The following FAS variants were observed in gnomAD, a reference collection of about 807,000 sequenced individuals.
FAS encodes tumor necrosis factor receptor superfamily member 6.
Under a neutral mutation model 33.2 loss-of-function variants are expected in FAS, and 5 were observed. The ratio of observed to expected loss-of-function variants is 0.15; its 90% CI spans 0.08 to 0.32. The LOEUF is 0.32. FAS is among the 10% of genes least tolerant of loss of function. The probability of loss-of-function intolerance (pLI) is 1.00; values close to 1 mark genes in which losing one functional copy is unlikely to be tolerated. For missense variants in FAS, 339 were observed against 386.0 expected (o/e 0.88, Z 1.02); for synonymous variants, 131 against 130.7 (o/e 1.00, Z -0.01).
upstream of FAS, among the ~76,000 whole-genome samples, chr10:88,983,575 G>C (rs866677693): frequency 3.5e-5 from 4 of 115,210 alleles, no homozygotes; most frequent in African/African-American, 1.3e-4. Flanking sequence ...ACTTTACAGG[G>C]AGTTGTAAGG....
chr10:88,981,628 T>C (rs980183456), intron 2 of FAS, among the ~76,000 whole-genome samples: 7 of 151,748 alleles, frequency 4.6e-5, no homozygotes, highest in African/African-American at 1.7e-4. Context: ...CCACAAGCAG[T>C]GGGGTGGGCA....
At chr10:88,986,101 A>G (rs1846873304), upstream of FAS, among the ~76,000 whole-genome samples, 3 of 152,198 alleles carry the variant, frequency 2.0e-5, no homozygotes, top group Admixed American at 2.0e-4. Context: ...TTAAATATAT[A>G]TTTAGTATAT....
chr10:88,999,263 C>T (rs9658712), intron 1 of FAS, among the ~76,000 whole-genome samples: 189 of 152,224 alleles, frequency 1.2e-3, no homozygotes, highest in Non-Finnish European at 2.1e-3. Flanking sequence ...TTGCTGCATT[C>T]TGAGAGGAAT....
chr10:89,014,647 A>G lies in FAS; in HGVS notation c.*197A>G, dbSNP rs1358427276. 8.4e-6 allele frequency: 6 copies of G among 713,550 alleles called. No individual in the cohort carries two copies. Among genetic ancestry groups the G allele is most frequent in the Non-Finnish European group, 1.2e-5 (5 of 400,328 alleles). 44.2% of individuals were successfully genotyped at this position (713,550 alleles called of 1,614,324 possible). On this transcript the variant is annotated 3_prime_UTR_variant, in exon 9 of 9. Transcript: ENST00000652046. ...GGATGTTTAAAATCTAGTTGGGAAA[A>G]CAAACTTCATCAAGAGTAAATGCAG...
intron 1 of FAS, among the ~76,000 whole-genome samples, chr10:88,968,862 C>G (rs190330272): frequency 7.7e-4 from 117 of 152,260 alleles, no homozygotes; most frequent in Admixed American, 1.5e-3. Context: ...TTAAAGCCTT[C>G]TTCTTGGAAA....
upstream of FAS, among the ~76,000 whole-genome samples, chr10:88,986,739 T>C (rs76390772): frequency 6.6e-6 from 1 of 151,438 alleles, no homozygotes; most frequent in Non-Finnish European, 1.5e-5. Flanking sequence ...AGGAAGGAAG[T>C]AGTGCAGGAA....
chr10:89,015,619 AAAT>A lies in FAS; in HGVS notation c.*1174_*1176del, dbSNP rs1186205984. 4.0e-6 allele frequency: 2 copies of A among 501,374 alleles called. No individual in the cohort carries two copies. The highest frequency in any genetic ancestry group is 1.7e-5 in the South Asian group (1 of 57,360). The allele number at this position is 501,374 out of a possible 1,614,324, so 31.1% of individuals were successfully genotyped here. A position where few individuals can be genotyped will look rare whatever the true frequency, so the allele number is the denominator to read the frequency against. ...GTTTGTATTAAATGTGAATTTTAAG[AAAT>A]AATATTTATATTTCTGTAAATGTAA... On this transcript the variant is annotated 3_prime_UTR_variant, in exon 9 of 9. Coordinates refer to ENST00000652046, the MANE Select transcript of FAS (RefSeq NM_000043.6).
Position 89,014,730 on chromosome 10 carries a change from C to G in FAS, c.*280C>G, listed in dbSNP as rs1848711323. ...CAGAGGATGAAAGATTAAGATTATG[C>G]TCTGGCATCTAACATATGATTCTGT... is the stretch of plus-strand genomic sequence containing the variant. On this transcript the variant is annotated 3_prime_UTR_variant, in exon 9 of 9. Transcript: ENST00000652046. 1.7e-6 allele frequency: 1 copy of G among 605,410 alleles called. No homozygotes were observed. Among genetic ancestry groups the G allele is most frequent in the South Asian group, 1.5e-5 (1 of 65,842 alleles). 37.5% of individuals were successfully genotyped at this position (605,410 alleles called of 1,614,324 possible). A position where few individuals can be genotyped will look rare whatever the true frequency, so the allele number is the denominator to read the frequency against.
intron 2 of FAS, among the ~76,000 whole-genome samples, chr10:88,978,848 A>G (rs542254637): frequency 2.6e-5 from 4 of 152,224 alleles, no homozygotes; most frequent in African/African-American, 7.2e-5. Context: ...TATTAGAAGC[A>G]ACCTTCCTTA....
At chr10:88,983,609 C>CAAAAAA (rs71022549), upstream of FAS, among the ~76,000 whole-genome samples, 4 of 46,456 alleles carry the variant, frequency 8.6e-5, no homozygotes, top group Non-Finnish European at 1.1e-4. Flanking sequence ...ACAGGTTATG[C>CAAAAAA]AAAAAAAAAA....
intron 8 of FAS, 122 bp from the exon 9 acceptor site, chr10:89,013,997 T>C: frequency 9.9e-7 from 1 of 1,014,560 alleles, no homozygotes; most frequent in Non-Finnish European, 1.4e-6. Context: ...TAGTCAGCTC[T>C]TCATAGACCT....
chr10:88,976,938 G>A (rs936609858), intron 2 of FAS, among the ~76,000 whole-genome samples: 10 of 152,252 alleles, frequency 6.6e-5, no homozygotes, highest in African/African-American at 2.4e-4. Context: ...CCTTATATCT[G>A]GTGAAGGTAA....
intron 2 of FAS, among the ~76,000 whole-genome samples, chr10:88,980,219 T>C (rs1188657112): frequency 6.6e-6 from 1 of 151,944 alleles, no homozygotes; most frequent in Non-Finnish European, 1.5e-5. Context: ...TTAAACATAA[T>C]GCACTTTAAA....
intron 1 of FAS, chr10:88,973,065 A>G: frequency 1.7e-6 from 2 of 1,165,420 alleles, no homozygotes; most frequent in Non-Finnish European, 2.3e-6. Context: ...TAACCTTGTA[A>G]GTACTTAGTC....
chr10:88,972,304 T>A (rs1846465142), intron 1 of FAS, among the ~76,000 whole-genome samples: 2 of 152,212 alleles, frequency 1.3e-5, no homozygotes, highest in Admixed American at 1.3e-4. Context: ...GCTATTGTCT[T>A]GTCTTCAGGC....
rs2133503373 is a variant in FAS at position 89,007,776 on chromosome 10, C to T, written c.273C>T (p.Tyr91=). 6.2e-7 allele frequency: 1 copy of T among 1,614,018 alleles called. No individual in the cohort carries two copies. Among genetic ancestry groups the T allele is most frequent in the Non-Finnish European group, 8.5e-7 (1 of 1,179,962 alleles). ...DCVPCQEGKE[Y]TDKAHFSSKC... ...TGCCCTGCCAAGAAGGGAAGGAGTA[C>T]ACAGACAAAGCCCATTTTTCTTCCA... The change falls in exon 3 of 9, where the codon TAC becomes TAT. Residue 91 remains tyrosine (Y), a synonymous_variant. Coordinates refer to ENST00000652046, the MANE Select transcript of FAS (RefSeq NM_000043.6).
intron 8 of FAS, 41 bp from the exon 9 acceptor site, chr10:89,014,077 CA>C: frequency 6.3e-7 from 1 of 1,591,006 alleles, no homozygotes; most frequent in Non-Finnish European, 8.6e-7. Context: ...ATGGGAATTT[CA>C]TTTAGAAAAA....
At chr10:89,003,625 G>T in intron 2 of FAS, among the ~76,000 whole-genome samples, 1 of 152,106 alleles carries the variant, frequency 6.6e-6, no homozygotes. Context: ...AGCTGTCCTG[G>T]CACTGAAGCC....
chr10:88,964,055 T>C (rs766490114), intron 1 of FAS, among the ~76,000 whole-genome samples: 1 of 152,042 alleles, frequency 6.6e-6, no homozygotes, highest in Non-Finnish European at 1.5e-5. Context: ...TTTTATATTT[T>C]TTTATTTTAT....
Sources: gnomAD v4.1 joint callset for allele counts (sites outside exome capture counted in the v4.1 genomes callset) on GRCh38, gnomAD v4.1.1 for gene constraint, MANE v1.5 for transcripts, NCBI Gene and HGNC (gene_info 2026-07-23, HGNC 2026-07-21) for gene names.